The following CSMD1 variants were observed in gnomAD, a reference collection of about 807,000 sequenced individuals.
CSMD1 encodes the protein CUB and sushi domain-containing protein 1.
CSMD1 carries 213 observed loss-of-function variants against 417.5 expected under a neutral mutation model. That is an observed-to-expected ratio of 0.51 (90% CI 0.46 to 0.57). The LOEUF is 0.57. Among genes scored for constraint, CSMD1 ranks in the 20% least tolerant of loss-of-function variants. CSMD1 has a pLI of 0.00. For synonymous variants in CSMD1, 2,862 were observed against 1,736.8 expected, an observed-to-expected ratio of 1.65 and a Z score of -16.11; for missense variants, 6,923 against 4,529.7, an observed-to-expected ratio of 1.53 and a Z score of -15.17.
intron 1 of CSMD1, among the ~76,000 whole-genome samples, chr8:4,813,901 A>C (rs191840177): frequency 6.6e-6 from 1 of 152,318 alleles, no homozygotes; most frequent in East Asian, 1.9e-4. Context: ...CAAGTAGGTC[A>C]ATCTACTCTA....
intron 33 of CSMD1, among the ~76,000 whole-genome samples, chr8:3,198,246 A>G (rs1436342576): frequency 2.6e-5 from 4 of 152,228 alleles, no homozygotes; most frequent in Non-Finnish European, 5.9e-5. Context: ...TCAAAAACCA[A>G]GGAAAGCCCC....
intron 25 of CSMD1, among the ~76,000 whole-genome samples, chr8:3,285,968 T>C (rs1563226665): frequency 6.6e-6 from 1 of 152,142 alleles, no homozygotes. Context: ...AATTTCCTAA[T>C]GCTATCCCTC....
rs150181396 is a variant in CSMD1 at position 4,571,128 on chromosome 8, A to C, written c.302+66214T>G. 4.0e-3 allele frequency among the ~76,000 whole-genome samples: 604 copies of C among 152,078 alleles called. 19 individuals are homozygous for C. The East Asian group carries it at 0.1, about 25-fold the overall frequency. On this transcript the variant is annotated intron_variant, in intron 2 of 69. Transcript: ENST00000635120. ...TCACTGAGGTTTTGAAGGGATTTTC[A>C]TGTCTCTATCTCCTTCAGTTCTGCT...
chr8:4,533,643 C>A (rs1796951234), intron 2 of CSMD1, among the ~76,000 whole-genome samples: 1 of 151,596 alleles, frequency 6.6e-6, no homozygotes, highest in East Asian at 1.9e-4. Context: ...TCTGGCAGAC[C>A]CCAAAACGAT....
intron 10 of CSMD1, among the ~76,000 whole-genome samples, chr8:3,502,482 G>A (rs1796646513): frequency 6.6e-6 from 1 of 152,116 alleles, no homozygotes; most frequent in Non-Finnish European, 1.5e-5. Flanking sequence ...TTCAGCAGGT[G>A]AATGGATAAA....
intron 52 of CSMD1, among the ~76,000 whole-genome samples, chr8:3,009,625 T>C (rs1183883921): frequency 6.6e-6 from 1 of 152,168 alleles, no homozygotes; most frequent in Non-Finnish European, 1.5e-5. Flanking sequence ...AAGAAACACA[T>C]TTGAATATTG....
chr8:4,181,586 A>T (rs1584972633), intron 3 of CSMD1, among the ~76,000 whole-genome samples: 1 of 152,186 alleles, frequency 6.6e-6, no homozygotes, highest in Admixed American at 6.5e-5. Flanking sequence ...GGGCCACAGG[A>T]TGGAAAAGCT....
chr8:4,437,493 T>G lies in CSMD1; in HGVS notation c.303-17428A>C, dbSNP rs137898021. Among the ~76,000 whole-genome samples the G allele has an allele frequency of 2.1e-3, 316 of 152,308 alleles. 2 individuals carry two copies. The highest frequency in any genetic ancestry group is 7.3e-3 in the African/African-American group (303 of 41,580). ...ACATGAAAAGTTTCCTCTCAAGATT[T>G]TTATAACATAGCCGCGTATGTATTT... On this transcript the variant is annotated intron_variant, in intron 2 of 69. Coordinates refer to ENST00000635120, the MANE Select transcript of CSMD1 (RefSeq NM_033225.6).
intron 40 of CSMD1, among the ~76,000 whole-genome samples, chr8:3,145,969 T>A (rs965389869): frequency 2.6e-5 from 4 of 152,222 alleles, no homozygotes; most frequent in African/African-American, 9.6e-5. Flanking sequence ...GATCTCAGAG[T>A]TAAACCCTAG....
chr8:4,702,124 A>C (rs758337106), intron 1 of CSMD1, among the ~76,000 whole-genome samples: 26 of 152,188 alleles, frequency 1.7e-4, no homozygotes, highest in Non-Finnish European at 2.6e-4. Context: ...AGGTGGGCGA[A>C]GGTAGAGCAC....
chr8:3,811,355 C>T (rs1404169738), intron 5 of CSMD1, among the ~76,000 whole-genome samples: 1 of 152,174 alleles, frequency 6.6e-6, no homozygotes, highest in Non-Finnish European at 1.5e-5. Context: ...TGGTTTTAAA[C>T]TTCAGCCTTT....
At chr8:4,174,264 G>C (rs1018980563) in intron 3 of CSMD1, among the ~76,000 whole-genome samples, 61 of 152,270 alleles carry the variant, frequency 4.0e-4, no homozygotes, top group African/African-American at 1.4e-3. Context: ...TGAATCTTCA[G>C]CAAGAATAGA....
chr8:3,381,625 A>G (rs537111863), intron 18 of CSMD1, among the ~76,000 whole-genome samples: 57 of 152,308 alleles, frequency 3.7e-4, no homozygotes, highest in African/African-American at 1.3e-3. Flanking sequence ...CAAAATTATA[A>G]TTAGCCAGTA....
chr8:4,725,509 G>C (rs1313517399), intron 1 of CSMD1, among the ~76,000 whole-genome samples: 2 of 152,024 alleles, frequency 1.3e-5, no homozygotes, highest in Admixed American at 1.3e-4. Flanking sequence ...AGGGCATATC[G>C]CACAGAGATT....
chr8:3,486,296 G>C (rs767057213), intron 11 of CSMD1, among the ~76,000 whole-genome samples: 1 of 151,948 alleles, frequency 6.6e-6, no homozygotes, highest in African/African-American at 2.4e-5. Context: ...CATTCTATTT[G>C]ATGCAACAAT....
chr8:3,998,092 C>T lies in CSMD1; in HGVS notation c.629G>A (p.Gly210Glu), dbSNP rs1162758304. Reference protein sequence around the residue: ...PFCRAEGACGGTLRGTSSSIS... With the variant: ...PFCRAEGACGETLRGTSSSIS... ...GGAGCTGCTGGTCCCGCGTAAGGTT[C>T]CTCCGCAGGCTCCCTCAGCTGCAGG... The change falls in exon 5 of 70, where the codon GGA becomes GAA. Residue 210 changes from glycine (G) to glutamate (E), a missense_variant. Transcript: ENST00000635120. 7.0e-6 allele frequency: 11 copies of T among 1,574,888 alleles called. No homozygotes were observed. Among genetic ancestry groups the T allele is most frequent in the Non-Finnish European group, 9.5e-6 (11 of 1,159,302 alleles).
At chr8:3,221,410 A>G (rs529975352) in intron 28 of CSMD1, among the ~76,000 whole-genome samples, 7 of 152,212 alleles carry the variant, frequency 4.6e-5, no homozygotes, top group Non-Finnish European at 8.8e-5. Context: ...TAATAATTGT[A>G]TTTAGAGTAT....
chr8:4,758,791 C>T (rs2117084361), intron 1 of CSMD1, among the ~76,000 whole-genome samples: 1 of 152,256 alleles, frequency 6.6e-6, no homozygotes, highest in Middle Eastern at 3.4e-3. Context: ...ATGAGAACAG[C>T]ATGGGAGAAC....
At chr8:4,326,405 A>G (rs1799565535) in intron 3 of CSMD1, among the ~76,000 whole-genome samples, 1 of 152,172 alleles carries the variant, frequency 6.6e-6, no homozygotes. Context: ...CAGCGCAGAT[A>G]AAAAGATGGG....
Sources: gnomAD v4.1 joint callset for allele counts (sites outside exome capture counted in the v4.1 genomes callset) on GRCh38, gnomAD v4.1.1 for gene constraint, MANE v1.5 for transcripts, NCBI Gene and HGNC (gene_info 2026-07-23, HGNC 2026-07-21) for gene names.